ADAMTS17: variants seen among roughly 807,000 people sequenced by gnomAD.
The protein encoded by ADAMTS17 is ADAM metallopeptidase with thrombospondin type 1 motif 17, also known as A disintegrin and metalloproteinase with thrombospondin motifs 17.
A neutral mutation model predicts 141.5 loss-of-function variants in ADAMTS17; 113 were observed. That is an observed-to-expected ratio of 0.80 (90% confidence interval 0.69 to 0.93). The LOEUF (loss-of-function observed/expected upper bound fraction) is 0.93, where lower values mean the gene tolerates loss of function less well. Ranked by LOEUF, ADAMTS17 falls within the 40% of genes least tolerant of loss-of-function variation. ADAMTS17 has a pLI of 0.00. For missense variants in ADAMTS17, 1,659 were observed against 1,517.9 expected (o/e 1.09, Z -1.54); for synonymous variants, 768 against 630.6 (o/e 1.22, Z -3.27).
chr15:100,034,992 G>C (rs2030558551), intron 18 of ADAMTS17, among the ~76,000 whole-genome samples: 1 of 152,166 alleles, frequency 6.6e-6, no homozygotes, highest in Non-Finnish European at 1.5e-5. Context: ...CTTGGAAAAG[G>C]AGAACCTGCC....
chr15:100,097,403 A>G (rs1026136499), intron 14 of ADAMTS17, among the ~76,000 whole-genome samples: 2 of 152,228 alleles, frequency 1.3e-5, no homozygotes, highest in Non-Finnish European at 2.9e-5. Context: ...TCAAGATGCA[A>G]GATAATCCTG....
chr15:100,089,897 G>C (rs1341926849), intron 15 of ADAMTS17, among the ~76,000 whole-genome samples: 1 of 151,310 alleles, frequency 6.6e-6, no homozygotes, highest in Non-Finnish European at 1.5e-5. Flanking sequence ...ACGAGTTAAT[G>C]GGTGCAGCAC....
Position 100,133,332 on chromosome 15 carries a change from G to A in ADAMTS17, c.1474-17C>T, listed in dbSNP as rs375955981. On this transcript the variant is annotated splice_polypyrimidine_tract_variant and intron_variant, in intron 10 of 21. Transcript: ENST00000268070. ...CATTAGATGCTGCAGGACAAGGGAA[G>A]GAACCATAATTGTGGAGAACACCCA... The A allele has an allele frequency of 1.4e-4, 213 of 1,566,454 alleles. No individual in the cohort carries two copies. Among genetic ancestry groups the A allele is most frequent in the Admixed American group, 4.9e-4 (26 of 53,494 alleles).
At chr15:100,034,068 T>C (rs537068199) in intron 18 of ADAMTS17, among the ~76,000 whole-genome samples, 1 of 152,348 alleles carries the variant, frequency 6.6e-6, no homozygotes, top group South Asian at 2.1e-4. Context: ...TGTTTACTTT[T>C]CTAGTGAAGG....
intron 18 of ADAMTS17, among the ~76,000 whole-genome samples, chr15:100,025,343 T>G (rs903061056): frequency 6.6e-6 from 1 of 150,666 alleles, no homozygotes; most frequent in South Asian, 2.1e-4. Flanking sequence ...TTTAGGTGTG[T>G]TTTTTTGCAT....
intron 18 of ADAMTS17, among the ~76,000 whole-genome samples, chr15:100,041,781 A>G (rs186035798): frequency 2.0e-5 from 3 of 152,308 alleles, no homozygotes; most frequent in African/African-American, 7.2e-5. Flanking sequence ...GATTAGAATA[A>G]AGTGGTGCTA....
intron 15 of ADAMTS17, among the ~76,000 whole-genome samples, chr15:100,075,909 T>C (rs1453968324): frequency 6.6e-6 from 1 of 152,224 alleles, no homozygotes; most frequent in Non-Finnish European, 1.5e-5. Context: ...ACCTGGTTTC[T>C]GTGATGGATT....
At chr15:100,018,406 T>C (rs1197436909) in intron 18 of ADAMTS17, among the ~76,000 whole-genome samples, 4 of 152,238 alleles carry the variant, frequency 2.6e-5, no homozygotes, top group African/African-American at 7.2e-5. Context: ...TGCTAAATTG[T>C]AATTCCTCGT....
chr15:100,229,562 T>C (rs2042413177), intron 7 of ADAMTS17, among the ~76,000 whole-genome samples: 2 of 152,098 alleles, frequency 1.3e-5, no homozygotes, highest in African/African-American at 4.8e-5. Flanking sequence ...GCAAGGCTGG[T>C]CCCGCTAAAC....
At chr15:100,189,442 C>T (rs2040839508) in intron 8 of ADAMTS17, among the ~76,000 whole-genome samples, 1 of 152,194 alleles carries the variant, frequency 6.6e-6, no homozygotes, top group African/African-American at 2.4e-5. Context: ...ATCCCTGGGT[C>T]ATCACAGAGC....
At chr15:100,050,643 G>A (rs574720552) in intron 17 of ADAMTS17, among the ~76,000 whole-genome samples, 1 of 152,206 alleles carries the variant, frequency 6.6e-6, no homozygotes, top group Non-Finnish European at 1.5e-5. Flanking sequence ...TTACATATTG[G>A]ACATCTAACA....
chr15:100,224,940 C>G (rs184944725), intron 7 of ADAMTS17, among the ~76,000 whole-genome samples: 21 of 152,346 alleles, frequency 1.4e-4, no homozygotes, highest in African/African-American at 5.1e-4. Context: ...ACCTGCATTC[C>G]ATCTGGACCC....
intron 15 of ADAMTS17, among the ~76,000 whole-genome samples, chr15:100,080,034 T>C (rs984657991): frequency 1.3e-5 from 2 of 152,158 alleles, no homozygotes; most frequent in East Asian, 3.9e-4. Flanking sequence ...TGTTCTGAAT[T>C]AGCATCCAAT....
intron 6 of ADAMTS17, 49 bp from the exon 7 acceptor site, chr15:100,254,228 T>C (rs2043251074): frequency 1.9e-6 from 3 of 1,551,744 alleles, no homozygotes; most frequent in Admixed American, 1.7e-5. Context: ...TCCCCAAGAA[T>C]GGGAGAAGAA....
At chr15:100,158,540 C>T (rs1886322001) in intron 8 of ADAMTS17, among the ~76,000 whole-genome samples, 1 of 152,134 alleles carries the variant, frequency 6.6e-6, no homozygotes, top group East Asian at 1.9e-4. Flanking sequence ...TGTTCAGCAG[C>T]TCTCCTGAGC....
intron 8 of ADAMTS17, among the ~76,000 whole-genome samples, chr15:100,180,089 G>C (rs1180119703): frequency 6.6e-6 from 1 of 152,206 alleles, no homozygotes; most frequent in African/African-American, 2.4e-5. Context: ...TATCACTCAA[G>C]AAATCTTTGC....
rs773066922 is a variant in ADAMTS17, at chr15:99,993,177, C to T, written c.2820G>A (p.Gly940=). The change falls in exon 20 of 22, where the codon GGG becomes GGA. Residue 940 remains glycine (G), a synonymous_variant. Coordinates refer to ENST00000268070, the MANE Select transcript of ADAMTS17 (RefSeq NM_139057.4). The surrounding 1 kb of genome is among the most constrained non-coding windows in gnomAD (Gnocchi z 4.3). ...WSQCSASCGK[G]VWKRTVACTN... is the part of the protein sequence containing the mutation. ...TGCACGCCACGGTCCGTTTCCACACCCCTTTACCACAGCTGGCAGAGCACT... is the reference window on the plus strand; with the variant it reads ...TGCACGCCACGGTCCGTTTCCACACTCCTTTACCACAGCTGGCAGAGCACT... 32 of 1,614,086 alleles carry T rather than the reference C, an allele frequency of 2.0e-5. No individual in the cohort carries two copies. The South Asian group carries it at 2.7e-4, about 14-fold the overall frequency.
Position 100,281,954 on chromosome 15 carries a change from C to G in ADAMTS17, c.617-553G>C, listed in dbSNP as rs180801555. Among the ~76,000 whole-genome samples the G allele has an allele frequency of 4.6e-4, 70 of 152,150 alleles. 1 individual carries two copies. The East Asian group carries it at 8.5e-3, about 18-fold the overall frequency. On this transcript the variant is annotated intron_variant, in intron 3 of 21. Transcript: ENST00000268070. ...ATAATCAGAAGGAAAATCATACGAC[C>G]CACATCCAGGCTAAAATGAAAATCT... is the stretch of plus-strand genomic sequence containing the variant.
chr15:100,224,566 G>A (rs573757238), intron 7 of ADAMTS17, among the ~76,000 whole-genome samples: 1 of 152,214 alleles, frequency 6.6e-6, no homozygotes, highest in Non-Finnish European at 1.5e-5. Flanking sequence ...CCATTGTGCA[G>A]AGGCAAAATA....
Sources: gnomAD v4.1 joint callset for allele counts (sites outside exome capture counted in the v4.1 genomes callset) on GRCh38, gnomAD v4.1.1 for gene constraint, Gnocchi (gnomAD v3.1) non-coding constraint, MANE v1.5 for transcripts, NCBI Gene and HGNC (gene_info 2026-07-23, HGNC 2026-07-21) for gene names.